Variants in FADS3 observed in about 807,000 individuals in gnomAD.
The protein encoded by FADS3 is fatty acid desaturase 3.
In FADS3, 30 loss-of-function variants were observed where a neutral mutation model predicts 60.4. That is an observed-to-expected ratio of 0.50 (90% confidence interval 0.37 to 0.67). The LOEUF is 0.67. Ranked by LOEUF, FADS3 falls within the 30% of genes least tolerant of loss-of-function variation. The probability of loss-of-function intolerance (pLI) is 0.00; values close to 1 mark genes in which losing one functional copy is unlikely to be tolerated. For synonymous variants in FADS3, 234 were observed against 249.3 expected, an observed-to-expected ratio of 0.94 and a Z score of 0.58; for missense variants, 432 against 598.3, an observed-to-expected ratio of 0.72 and a Z score of 2.90.
intron 3 of FADS3, 94 bp from the exon 4 acceptor site, chr11:61,878,941 C>G: frequency 1.0e-6 from 1 of 967,222 alleles, no homozygotes; most frequent in Non-Finnish European, 1.6e-6. Context: ...CAGGGTACCC[C>G]CGTGCTAATG....
chr11:61,877,962 G>C lies in FADS3; in HGVS notation c.808+193C>G. On this transcript the variant is annotated intron_variant, in intron 6 of 11. Coordinates refer to ENST00000278829, the MANE Select transcript of FADS3 (RefSeq NM_021727.5). This position sits in a 1 kb window ranked among gnomAD's most constrained non-coding sequence, Gnocchi z 4.7. Reference sequence around the variant, plus strand: ...CGTGGCTGCAAGGTGTCCCAGGCACGGGAGACAGCTGGGGCAAAGGCATGC... The same window carrying C: ...CGTGGCTGCAAGGTGTCCCAGGCACCGGAGACAGCTGGGGCAAAGGCATGC... 1 of 628,784 alleles carries C rather than the reference G, an allele frequency of 1.6e-6. No homozygotes were observed. Among genetic ancestry groups the C allele is most frequent in the East Asian group, 2.7e-5 (1 of 37,346 alleles). The allele number at this position is 628,784 out of a possible 1,614,324, so 39.0% of individuals were successfully genotyped here. A position where few individuals can be genotyped will look rare whatever the true frequency, so the allele number is the denominator to read the frequency against.
intron 1 of FADS3, among the ~76,000 whole-genome samples, chr11:61,890,825 G>C (rs892802999): frequency 2.0e-5 from 3 of 152,218 alleles, no homozygotes; most frequent in Non-Finnish European, 4.4e-5. Flanking sequence ...CACTCAGCAA[G>C]CACCCAGCAT....
intron 1 of FADS3, among the ~76,000 whole-genome samples, chr11:61,886,560 GGCCTCAGATCT>G (rs1938326641): frequency 6.6e-6 from 1 of 152,040 alleles, no homozygotes; most frequent in African/African-American, 2.4e-5. Flanking sequence ...CAACTCCTGT[GGCCTCAGATCT>G]GCCTAATCCT....
rs764566538 is a variant in FADS3, at chr11:61,877,502, C to T, written c.885+9G>A. On this transcript the variant is annotated intron_variant, in intron 7 of 11. Transcript: ENST00000278829. This position sits in a 1 kb window ranked among gnomAD's most constrained non-coding sequence, Gnocchi z 4.7. ...CCGTATGCCCGGGGTCCTGGGCAAC[C>T]CCACTCACCGCCCACTGCATGCACA... is the stretch of plus-strand genomic sequence containing the variant. The T allele has an allele frequency of 8.7e-6, 14 of 1,612,266 alleles. No individual in the cohort carries two copies. The highest frequency in any genetic ancestry group is 1.2e-5 in the Non-Finnish European group (14 of 1,179,860).
chr11:61,891,040 G>A (rs1938487423), intron 1 of FADS3, 129 bp downstream of exon 1: 26 of 829,250 alleles, frequency 3.1e-5, no homozygotes, highest in Non-Finnish European at 4.7e-5. Flanking sequence ...TCTGGGTCCC[G>A]GCGTGGAGGT....
intron 11 of FADS3, among the ~76,000 whole-genome samples, chr11:61,875,395 T>C (rs112995118): frequency 1.4e-5 from 2 of 138,210 alleles, no homozygotes. Context: ...TTTTTTTTTT[T>C]TTTTTTTTTT....
Position 61,880,124 on chromosome 11 carries a change from G to C in FADS3, c.241C>G (p.Leu81Val). 6.2e-7 allele frequency: 1 copy of C among 1,614,102 alleles called. No homozygotes were observed. The highest frequency in any genetic ancestry group is 8.5e-7 in the Non-Finnish European group (1 of 1,179,978). ...TGTAGGAACTTGCGCACAAAATTGA[G>C]ATCTTGATGGAAGGCACGGAAGGCA... Reference protein sequence around the residue: ...TDAFRAFHQDLNFVRKFLQPL... With the variant: ...TDAFRAFHQDVNFVRKFLQPL... Residue 81 changes from leucine (L) to valine (V), a missense_variant, in exon 2 of 12, where the codon CTC becomes GTC. This residue lies in a region of FADS3 where 167 missense variants were observed against 188.8 expected (regional missense o/e 0.88). Coordinates refer to ENST00000278829, the MANE Select transcript of FADS3 (RefSeq NM_021727.5).
chr11:61,885,805 G>A (rs1446068589), intron 1 of FADS3, among the ~76,000 whole-genome samples: 1 of 152,154 alleles, frequency 6.6e-6, no homozygotes, highest in Non-Finnish European at 1.5e-5. Flanking sequence ...TTTGTAGGAT[G>A]TTGGGGTGAC....
chr11:61,879,845 T>C (rs1938060549), intron 2 of FADS3, among the ~76,000 whole-genome samples, 196 bp downstream of exon 2: 1 of 152,220 alleles, frequency 6.6e-6, no homozygotes. Flanking sequence ...TCTGGAGCCC[T>C]GGACTTCTCA....
rs1363524895 is a variant in FADS3, at chr11:61,873,872, GGTGGGGGTGGCA to G, written c.1287-19_1287-8del. ...ACCAGACTTCTTCAGGGACCTGGGA[GGTGGGGGTGGCA>G]GTGGGGGTGGGTGTTAGGAGCTCAG... On this transcript the variant is annotated splice_region_variant and splice_polypyrimidine_tract_variant and intron_variant, in intron 11 of 11. Transcript: ENST00000278829. 1.9e-6 allele frequency: 3 copies of G among 1,603,498 alleles called. No homozygotes were observed. Among genetic ancestry groups the G allele is most frequent in the Admixed American group, 3.4e-5 (2 of 59,266 alleles).
chr11:61,885,626 C>CTG (rs1236906428), intron 1 of FADS3, among the ~76,000 whole-genome samples: 1 of 152,160 alleles, frequency 6.6e-6, no homozygotes, highest in Non-Finnish European at 1.5e-5. Context: ...GAGGGGCTGG[C>CTG]AGCCTCCTTC....
chr11:61,874,830 CCT>C (rs1415046746), intron 11 of FADS3, among the ~76,000 whole-genome samples: 8 of 152,332 alleles, frequency 5.3e-5, no homozygotes, highest in Non-Finnish European at 7.3e-5. Context: ...CCTCCCCTCC[CCT>C]GTCCCCACCC....
Position 61,877,723 on chromosome 11 carries a change from A to G in FADS3, c.809-136T>C, listed in dbSNP as rs1937961226. On this transcript the variant is annotated intron_variant, in intron 6 of 11. Transcript: ENST00000278829. This position sits in a 1 kb window ranked among gnomAD's most constrained non-coding sequence, Gnocchi z 4.7. ...TGGTCACATCCAGCTGAATGACCCC[A>G]TATCACCCCCAATTCTGTGTCCAAG... The G allele has an allele frequency of 3.9e-6, 3 of 759,658 alleles. No homozygotes were observed. Among genetic ancestry groups the G allele is most frequent in the Non-Finnish European group, 4.4e-6 (2 of 454,966 alleles). The allele number at this position is 759,658 out of a possible 1,614,324, so 47.1% of individuals were successfully genotyped here. A position where few individuals can be genotyped will look rare whatever the true frequency, so the allele number is the denominator to read the frequency against.
chr11:61,878,335 G>A, intron 5 of FADS3, 120 bp from the exon 6 acceptor site: 2 of 1,366,130 alleles, frequency 1.5e-6, no homozygotes, highest in Admixed American at 3.6e-5. Context: ...TAGCAAGCGG[G>A]CTGGTCGTCC....
At position 61,891,545 on chromosome 11, in the gene FADS3, C is replaced by G; in HGVS notation, c.-164G>C. 2.8e-6 allele frequency: 1 copy of G among 358,992 alleles called. No homozygotes were observed. Among genetic ancestry groups the G allele is most frequent in the Non-Finnish European group, 4.6e-6 (1 of 218,978 alleles). 22.2% of individuals were successfully genotyped at this position (358,992 alleles called of 1,614,324 possible). A position where few individuals can be genotyped will look rare whatever the true frequency, so the allele number is the denominator to read the frequency against. ...ACGAGCGAGCGTGCGCCTCCCGGCT[C>G]GCGGCGCAGGGAACTCCCCGCCTTA... is the stretch of plus-strand genomic sequence containing the variant. On this transcript the variant is annotated 5_prime_UTR_variant, in exon 1 of 12. Coordinates refer to ENST00000278829, the MANE Select transcript of FADS3 (RefSeq NM_021727.5).
Position 61,876,215 on chromosome 11 carries a change from G to A in FADS3, c.1081-25C>T. On this transcript the variant is annotated intron_variant, in intron 9 of 11. Coordinates refer to ENST00000278829, the MANE Select transcript of FADS3 (RefSeq NM_021727.5). This position sits in a 1 kb window ranked among gnomAD's most constrained non-coding sequence, Gnocchi z 5.7. The stretch of plus-strand genomic sequence containing the variant: ...GCTGCCGGAAGCCGGCGGGGCACAT[G>A]TGAGGAGGCCGTTGCAGATCCCTGA... 1.3e-6 allele frequency: 2 copies of A among 1,586,824 alleles called. No individual in the cohort carries two copies. Among genetic ancestry groups the A allele is most frequent in the Non-Finnish European group, 1.7e-6 (2 of 1,167,136 alleles).
chr11:61,878,257 C>T, intron 5 of FADS3, 42 bp from the exon 6 acceptor site: 2 of 1,598,542 alleles, frequency 1.3e-6, no homozygotes, highest in Non-Finnish European at 1.7e-6. Flanking sequence ...GCTCTCCAGG[C>T]CACCTCCTTC....
In FADS3 at chr11:61,878,832, G is replaced by A. The variant is rs756925798; in HGVS notation, c.538C>T (p.Leu180=). The change falls in exon 4 of 12, where the codon CTG becomes TTG. Residue 180 remains leucine, a synonymous_variant. Coordinates refer to ENST00000278829, the MANE Select transcript of FADS3 (RefSeq NM_021727.5). The part of the protein sequence containing the change: ...LAISQAQSWC[L]QHDLGHASIF... ...GAGGCATGGCCCAGGTCATGCTGCA[G>A]ACACCAGGACTGAGCCTGGGGAGAG... 29 of 1,614,032 alleles carry A rather than the reference G, an allele frequency of 1.8e-5. No homozygotes were observed. Among genetic ancestry groups the A allele is most frequent in the Non-Finnish European group, 2.1e-5 (25 of 1,180,012 alleles).
chr11:61,875,208 G>GT (rs1937821861), intron 11 of FADS3, among the ~76,000 whole-genome samples: 2 of 151,992 alleles, frequency 1.3e-5, no homozygotes, highest in African/African-American at 4.8e-5. Context: ...CTGAGACATG[G>GT]TTTTTTTGTT....
Sources: gnomAD v4.1 joint callset for allele counts (sites outside exome capture counted in the v4.1 genomes callset) on GRCh38, gnomAD v4.1.1 for gene constraint, gnomAD v4.1.1 regional missense constraint, Gnocchi (gnomAD v3.1) non-coding constraint, MANE v1.5 for transcripts, NCBI Gene and HGNC (gene_info 2026-07-23, HGNC 2026-07-21) for gene names.